PREPL: variants seen among roughly 807,000 people sequenced by gnomAD.
PREPL encodes the protein prolyl endopeptidase like.
In PREPL, 77 loss-of-function variants were observed where a neutral mutation model predicts 70.6. The observed-to-expected ratio is 1.09, with a 90% CI of 0.91 to 1.32. The LOEUF (loss-of-function observed/expected upper bound fraction) is 1.32. Among genes scored for constraint, PREPL ranks in the 40% most tolerant of loss-of-function variants. PREPL has a pLI of 0.00. For synonymous variants in PREPL, 315 were observed against 264.8 expected (o/e 1.19, Z -1.84); for missense variants, 1,002 against 778.2 (o/e 1.29, Z -3.42).
At chr2:44,352,533 C>T (rs148844723) in intron 1 of PREPL, among the ~76,000 whole-genome samples, 4 of 152,246 alleles carry the variant, frequency 2.6e-5, no homozygotes, top group South Asian at 2.1e-4. Context: ...AAGTATATTA[C>T]AGGCATGACC....
intron 10 of PREPL, 34 bp from the exon 11 acceptor site, chr2:44,323,445 T>G (rs770876360): frequency 1.3e-6 from 2 of 1,521,180 alleles, no homozygotes; most frequent in African/African-American, 1.4e-5. Flanking sequence ...ATACTTCAAG[T>G]AAGAGGTTGG....
chr2:44,353,709 T>C lies in PREPL; in HGVS notation c.-48-7319A>G, dbSNP rs553742800. ...GAAAGTGAGAGTCAAGAATAAACCATTGAATTTATGGTCAGTTGATTTTCA... is the reference window on the plus strand; with the variant it reads ...GAAAGTGAGAGTCAAGAATAAACCACTGAATTTATGGTCAGTTGATTTTCA... On this transcript the variant is annotated intron_variant, in intron 1 of 13. Coordinates refer to ENST00000409411, the MANE Select transcript of PREPL (RefSeq NM_001171613.2). 1.2e-4 allele frequency among the ~76,000 whole-genome samples: 18 copies of C among 152,232 alleles called. 1 individual carries two copies. The highest frequency in any genetic ancestry group is 5.2e-4 in the Admixed American group (8 of 15,284).
chr2:44,334,117 T>G (rs1674396929), intron 7 of PREPL, among the ~76,000 whole-genome samples: 1 of 152,238 alleles, frequency 6.6e-6, no homozygotes, highest in Admixed American at 6.5e-5. Context: ...TTCATCCAGC[T>G]AATGCAGATA....
At position 44,358,009 on chromosome 2, in the gene PREPL, T is replaced by A. The variant is rs572183722; in HGVS notation, c.-49+3371A>T. Among the ~76,000 whole-genome samples, 4 of 152,220 alleles carry A rather than the reference T, an allele frequency of 2.6e-5. No individual in the cohort carries two copies. The East Asian group carries it at 7.7e-4, about 29-fold the overall frequency. ...GTCTAGGAAGACTAGGGGGCTAACA[T>A]ATAAAATGTTAAAAGCAAAAGAGAC... On this transcript the variant is annotated intron_variant, in intron 1 of 13. Transcript: ENST00000409411.
chr2:44,332,734 A>G, intron 7 of PREPL, 78 bp from the exon 8 acceptor site: 2 of 1,179,204 alleles, frequency 1.7e-6, no homozygotes, highest in Non-Finnish European at 2.4e-6. Flanking sequence ...AGTCTTCTCC[A>G]AACAAGATGA....
intron 1 of PREPL, among the ~76,000 whole-genome samples, chr2:44,359,024 AT>A (rs1487475767): frequency 6.7e-6 from 1 of 148,284 alleles, no homozygotes; most frequent in East Asian, 2.0e-4. Context: ...ATAAACCTAC[AT>A]TTTTATATAT....
At chr2:44,328,571 G>C (rs1192870928) in intron 9 of PREPL, among the ~76,000 whole-genome samples, 1 of 151,624 alleles carries the variant, frequency 6.6e-6, no homozygotes, top group Admixed American at 6.6e-5. Flanking sequence ...AGAATTTTAA[G>C]CAGAAATACA....
chr2:44,351,299 T>C (rs1319438963), intron 1 of PREPL, among the ~76,000 whole-genome samples: 1 of 152,020 alleles, frequency 6.6e-6, no homozygotes, highest in African/African-American at 2.4e-5. Flanking sequence ...TTCTTTGCAG[T>C]CTGCACTAAT....
At chr2:44,324,242 G>A (rs994468004) in intron 10 of PREPL, among the ~76,000 whole-genome samples, 2 of 152,164 alleles carry the variant, frequency 1.3e-5, no homozygotes, top group African/African-American at 4.8e-5. Flanking sequence ...AGAGACAGAG[G>A]CTGTGGGAAG....
intron 10 of PREPL, among the ~76,000 whole-genome samples, chr2:44,324,431 G>GA (rs1474401387): frequency 3.9e-5 from 6 of 152,000 alleles, no homozygotes; most frequent in Admixed American, 2.0e-4. Context: ...ATTTTTAAAT[G>GA]AAAAAAATAC....
chr2:44,328,066 A>G (rs1045420814), intron 9 of PREPL, among the ~76,000 whole-genome samples: 1 of 150,138 alleles, frequency 6.7e-6, no homozygotes, highest in African/African-American at 2.5e-5. Context: ...CGGGCGGATC[A>G]CTTGAGGTCA....
intron 1 of PREPL, among the ~76,000 whole-genome samples, chr2:44,349,530 G>A (rs895753244): frequency 2.0e-5 from 3 of 152,064 alleles, no homozygotes; most frequent in South Asian, 2.1e-4. Flanking sequence ...CAGAAAAAGA[G>A]TAAGTCTTAA....
intron 5 of PREPL, among the ~76,000 whole-genome samples, chr2:44,341,888 A>C (rs1047766927): frequency 6.6e-6 from 1 of 152,084 alleles, no homozygotes; most frequent in African/African-American, 2.4e-5. Context: ...AGTTAGTTTT[A>C]ATTTATAATT....
chr2:44,326,627 G>A, intron 10 of PREPL, 85 bp downstream of exon 10: 1 of 1,395,826 alleles, frequency 7.2e-7, no homozygotes, highest in Non-Finnish European at 1.0e-6. Flanking sequence ...GAGCCGCTGT[G>A]CCAGCCCAAA....
rs189479825 is a variant in PREPL at position 44,354,366 on chromosome 2, T to C, written c.-49+7014A>G. On this transcript the variant is annotated intron_variant, in intron 1 of 13. Transcript: ENST00000409411. ...TGCTGGCAAGATGTGTATTATAAAATTCTTGTCTTTAAGGACCTCCCAATA... is the reference window on the plus strand; with the variant it reads ...TGCTGGCAAGATGTGTATTATAAAACTCTTGTCTTTAAGGACCTCCCAATA... Among the ~76,000 whole-genome samples, 12 of 152,274 alleles carry C rather than the reference T, an allele frequency of 7.9e-5. 1 individual carries two copies. The highest frequency in any genetic ancestry group is 7.8e-4 in the Admixed American group (12 of 15,296).
chr2:44,342,562 AATAATGAG>A lies in PREPL; in HGVS notation c.350-18_350-11del, dbSNP rs1399637322. ...TCGTCCTTTACCCATTCTGAAAGAA[AATAATGAG>A]ATAATTATACATAATCACCTACACT... On this transcript the variant is annotated splice_polypyrimidine_tract_variant and intron_variant, in intron 4 of 13. Transcript: ENST00000409411. 1 of 188,862 alleles carries A rather than the reference AATAATGAG, an allele frequency of 5.3e-6. No homozygotes were observed. The highest frequency in any genetic ancestry group is 8.9e-6 in the Non-Finnish European group (1 of 112,890). 11.7% of individuals were successfully genotyped at this position (188,862 alleles called of 1,614,324 possible).
rs1672706939 is a variant in PREPL at position 44,319,212 on chromosome 2, C to T, written c.*2144G>A. On this transcript the variant is annotated 3_prime_UTR_variant, in exon 14 of 14. Transcript: ENST00000409411. ...CCTACCCCTAAAGAACAATAACAAC[C>T]ACAATAACAACTATCACCCCAGTAA... The T allele has an allele frequency of 6.6e-6, 1 of 152,520 alleles. No individual in the cohort carries two copies. Among genetic ancestry groups the T allele is most frequent in the African/African-American group, 2.4e-5 (1 of 41,426 alleles). The allele number at this position is 152,520 out of a possible 1,614,324, so 9.4% of individuals were successfully genotyped here. A position where few individuals can be genotyped will look rare whatever the true frequency, so the allele number is the denominator to read the frequency against.
intron 13 of PREPL, 60 bp downstream of exon 13, chr2:44,321,767 G>A (rs1261496808): frequency 6.2e-7 from 1 of 1,613,352 alleles, no homozygotes; most frequent in Non-Finnish European, 8.5e-7. Flanking sequence ...CACTGAAAAT[G>A]TGAAAACAAC....
intron 7 of PREPL, among the ~76,000 whole-genome samples, chr2:44,335,497 C>A (rs541118387): frequency 6.6e-6 from 1 of 152,112 alleles, no homozygotes; most frequent in Non-Finnish European, 1.5e-5. Context: ...AAATGGTTAG[C>A]CATAGGCAGA....
Sources: gnomAD v4.1 joint callset for allele counts (sites outside exome capture counted in the v4.1 genomes callset) on GRCh38, gnomAD v4.1.1 for gene constraint, MANE v1.5 for transcripts, NCBI Gene and HGNC (gene_info 2026-07-23, HGNC 2026-07-21) for gene names.